Variants in ATP8B4 observed in about 807,000 individuals in gnomAD.
The protein encoded by ATP8B4 is ATPase phospholipid transporting 8B4 (putative).
ATP8B4 carries 133 observed loss-of-function variants against 145.6 expected under a neutral mutation model. That is an observed-to-expected ratio of 0.91 (90% CI 0.79 to 1.05). The LOEUF (loss-of-function observed/expected upper bound fraction) is 1.05, where lower values mean the gene tolerates loss of function less well. ATP8B4 is among the 50% of genes least tolerant of loss of function. The pLI, the probability that ATP8B4 is intolerant of heterozygous loss-of-function variation, is 0.00. For missense variants in ATP8B4, 1,458 were observed against 1,425.2 expected (o/e 1.02, Z -0.37); for synonymous variants, 507 against 492.9 (o/e 1.03, Z -0.38).
chr15:49,973,864 T>G lies in ATP8B4; in HGVS notation c.1035-1074A>C, dbSNP rs183433387. Among the ~76,000 whole-genome samples the G allele has an allele frequency of 9.6e-4, 146 of 152,346 alleles. 1 individual carries two copies. The highest frequency in any genetic ancestry group is 1.8e-3 in the Non-Finnish European group (121 of 68,024). On this transcript the variant is annotated intron_variant, in intron 12 of 27. Transcript: ENST00000284509. Reference sequence around the variant, plus strand: ...GCAAATTCAAAAGGTATGTCACCACTGTTCACTGCATTTCTTATCAATGAG... The same window carrying G: ...GCAAATTCAAAAGGTATGTCACCACGGTTCACTGCATTTCTTATCAATGAG...
At chr15:49,892,250 A>T (rs2036908336) in intron 23 of ATP8B4, among the ~76,000 whole-genome samples, 1 of 152,216 alleles carries the variant, frequency 6.6e-6, no homozygotes, top group Non-Finnish European at 1.5e-5. Context: ...AAAGTGTGAC[A>T]AGTTGTGTTT....
In ATP8B4 at chr15:49,858,690, G is replaced by A. The variant is rs552870917; in HGVS notation, c.*1504C>T. ...GATGCTTTATTTTTGCTTTCTGGTA[G>A]AGAAATGTACCTCCACGGTTATAAT... On this transcript the variant is annotated 3_prime_UTR_variant, in exon 28 of 28. Transcript: ENST00000284509. 2 of 152,318 alleles carry A rather than the reference G, an allele frequency of 1.3e-5. No individual in the cohort carries two copies. The highest frequency in any genetic ancestry group is 4.8e-5 in the African/African-American group (2 of 41,586). The allele number at this position is 152,318 out of a possible 1,614,324, so 9.4% of individuals were successfully genotyped here. A position where few individuals can be genotyped will look rare whatever the true frequency, so the allele number is the denominator to read the frequency against.
intron 2 of ATP8B4, among the ~76,000 whole-genome samples, chr15:50,101,203 T>A (rs1045076543): frequency 2.0e-5 from 3 of 152,146 alleles, no homozygotes; most frequent in African/African-American, 7.2e-5. Flanking sequence ...ATGGGATATA[T>A]GCCATTTATC....
intron 1 of ATP8B4, among the ~76,000 whole-genome samples, chr15:50,118,098 TATGACAATAGATAATGATA>T: frequency 6.6e-6 from 1 of 152,154 alleles, no homozygotes; most frequent in Non-Finnish European, 1.5e-5. Context: ...AACACGGTAG[TATGACAATAGATAATGATA>T]ATTTATTTTT....
chr15:50,037,359 A>G (rs1472275018), intron 6 of ATP8B4, among the ~76,000 whole-genome samples: 1 of 152,206 alleles, frequency 6.6e-6, no homozygotes, highest in African/African-American at 2.4e-5. Flanking sequence ...GCTACCCACA[A>G]CCACACATAC....
At chr15:50,078,427 A>G (rs1257005260) in intron 2 of ATP8B4, among the ~76,000 whole-genome samples, 2 of 152,126 alleles carry the variant, frequency 1.3e-5, no homozygotes, top group Non-Finnish European at 2.9e-5. Flanking sequence ...AACAAGAAAA[A>G]GTCCCTAGAA....
At chr15:50,094,218 C>T (rs2153657988) in intron 2 of ATP8B4, among the ~76,000 whole-genome samples, 1 of 152,224 alleles carries the variant, frequency 6.6e-6, no homozygotes, top group Non-Finnish European at 1.5e-5. Context: ...GTGTGGGATT[C>T]ATCCAATCAG....
chr15:50,151,272 T>C (rs2044343574), intron 1 of ATP8B4, among the ~76,000 whole-genome samples: 1 of 152,226 alleles, frequency 6.6e-6, no homozygotes, highest in African/African-American at 2.4e-5. Flanking sequence ...AGCTTTTCTT[T>C]AGAAACATAA....
intron 14 of ATP8B4, among the ~76,000 whole-genome samples, chr15:49,954,083 T>C (rs1049785031): frequency 1.3e-5 from 2 of 152,148 alleles, no homozygotes; most frequent in African/African-American, 4.8e-5. Flanking sequence ...GCTTTTTTTA[T>C]GGGAGCCTCT....
In ATP8B4 at chr15:50,002,295, C is replaced by T. The variant is rs111761478; in HGVS notation, c.436-72G>A. Reference sequence around the variant, plus strand: ...GTTGAAAGTCTTCTACAGTATATCACCTCTTGACTACTAAAGAGGCAACAG... The same window carrying T: ...GTTGAAAGTCTTCTACAGTATATCATCTCTTGACTACTAAAGAGGCAACAG... On this transcript the variant is annotated intron_variant, in intron 7 of 27. Coordinates refer to ENST00000284509, the MANE Select transcript of ATP8B4 (RefSeq NM_024837.4). 133 of 1,227,472 alleles carry T rather than the reference C, an allele frequency of 1.1e-4. 1 individual carries two copies. In the African/African-American group the frequency reaches 1.6e-3, roughly 14 times the overall value. The allele number at this position is 1,227,472 out of a possible 1,614,324, so 76.0% of individuals were successfully genotyped here.
chr15:49,941,399 C>T (rs1225307741), intron 14 of ATP8B4, among the ~76,000 whole-genome samples: 1 of 152,090 alleles, frequency 6.6e-6, no homozygotes, highest in African/African-American at 2.4e-5. Context: ...GACCTATTGC[C>T]ATAGGCTGGT....
intron 7 of ATP8B4, among the ~76,000 whole-genome samples, chr15:50,004,504 G>C (rs2048160956): frequency 6.6e-6 from 1 of 152,078 alleles, no homozygotes; most frequent in Non-Finnish European, 1.5e-5. Flanking sequence ...AATCCTACGG[G>C]GACCCAATTC....
At chr15:50,175,258 C>T (rs780964273) in intron 1 of ATP8B4, among the ~76,000 whole-genome samples, 10 of 152,060 alleles carry the variant, frequency 6.6e-5, no homozygotes, top group African/African-American at 2.2e-4. Context: ...GAACAAAAAC[C>T]CAAAACCAAA....
At chr15:50,156,093 A>ATAT (rs2044410491) in intron 1 of ATP8B4, among the ~76,000 whole-genome samples, 1 of 12,032 alleles carries the variant, frequency 8.3e-5, no homozygotes, top group African/African-American at 3.2e-4. Flanking sequence ...TATATATATA[A>ATAT]ATATATATAT....
At chr15:49,861,959 C>T (rs1409029984) in intron 27 of ATP8B4, among the ~76,000 whole-genome samples, 1 of 152,168 alleles carries the variant, frequency 6.6e-6, no homozygotes, top group Non-Finnish European at 1.5e-5. Flanking sequence ...CAAAATGATG[C>T]CTGTGATCTT....
chr15:50,078,179 C>CT (rs77613939), intron 2 of ATP8B4, among the ~76,000 whole-genome samples: 173 of 145,672 alleles, frequency 1.2e-3, no homozygotes, highest in South Asian at 1.8e-3. Flanking sequence ...TAGAGATGCT[C>CT]TTTTTTTTTT....
chr15:50,115,818 C>A (rs2057144432), intron 1 of ATP8B4, among the ~76,000 whole-genome samples: 1 of 152,184 alleles, frequency 6.6e-6, no homozygotes, highest in African/African-American at 2.4e-5. Flanking sequence ...GCAGGAATTA[C>A]CGTTATCCCC....
chr15:49,888,320 C>G (rs2153418821), intron 23 of ATP8B4, among the ~76,000 whole-genome samples: 1 of 152,268 alleles, frequency 6.6e-6, no homozygotes, highest in South Asian at 2.1e-4. Context: ...TAGTCGCAGT[C>G]TTTCACGTCA....
chr15:50,026,794 C>T (rs1476848308), intron 6 of ATP8B4, among the ~76,000 whole-genome samples: 1 of 152,092 alleles, frequency 6.6e-6, no homozygotes, highest in East Asian at 1.9e-4. Context: ...AGAAAGACAA[C>T]AGAGGTTCTC....
Sources: gnomAD v4.1 joint callset for allele counts (sites outside exome capture counted in the v4.1 genomes callset) on GRCh38, gnomAD v4.1.1 for gene constraint, MANE v1.5 for transcripts, NCBI Gene and HGNC (gene_info 2026-07-23, HGNC 2026-07-21) for gene names.